MID1: variants seen among roughly 807,000 people sequenced by gnomAD.
The protein encoded by MID1 is E3 ubiquitin-protein ligase Midline-1.
A neutral mutation model predicts 40.4 loss-of-function variants in MID1; 7 were observed. The ratio of observed to expected loss-of-function variants is 0.17; its 90% CI spans 0.10 to 0.33. The LOEUF (loss-of-function observed/expected upper bound fraction) is 0.33. Ranked by LOEUF, MID1 falls within the 10% of genes least tolerant of loss-of-function variation. MID1 has a pLI of 1.00. For synonymous variants in MID1, 229 were observed against 221.2 expected (o/e 1.04, Z -0.31); for missense variants, 367 against 558.5 (o/e 0.66, Z 3.46).
chrX:10,759,772 G>T (rs1245096372), intron 1 of MID1, among the ~76,000 whole-genome samples: 1 of 111,745 alleles, frequency 8.9e-6, no homozygotes, highest in African/African-American at 3.3e-5. Context: ...TCTTTTCAGG[G>T]ACAATTCAGC....
chrX:10,649,271 A>C (rs1298447183), intron 1 of MID1, among the ~76,000 whole-genome samples: 2 of 112,135 alleles, frequency 1.8e-5, no homozygotes, highest in African/African-American at 6.5e-5. Flanking sequence ...AAAGCCCATT[A>C]AGAAAATGAT....
chrX:10,777,616 T>C (rs1453323359), intron 1 of MID1, among the ~76,000 whole-genome samples: 17 of 101,813 alleles, frequency 1.7e-4, no homozygotes, highest in Non-Finnish European at 3.0e-4. Flanking sequence ...TCTTGGCTCA[T>C]TGCAACCTCC....
chrX:10,550,949 C>T (rs1367625935), intron 2 of MID1, among the ~76,000 whole-genome samples: 1 of 111,626 alleles, frequency 9.0e-6, no homozygotes, highest in Non-Finnish European at 1.9e-5. Context: ...GAAGAAAATA[C>T]ACACACACAA....
At chrX:10,741,884 TA>T (rs2043525396) in intron 1 of MID1, among the ~76,000 whole-genome samples, 1 of 111,854 alleles carries the variant, frequency 8.9e-6, no homozygotes, top group Non-Finnish European at 1.9e-5. Flanking sequence ...TATAAGTGGC[TA>T]AAACTAGCTG....
chrX:10,486,231 G>A (rs1930609460), intron 4 of MID1, among the ~76,000 whole-genome samples: 1 of 112,134 alleles, frequency 8.9e-6, no homozygotes, highest in African/African-American at 3.2e-5. Context: ...AGAATTTGAG[G>A]TGAGTTTGAC....
At chrX:10,552,323 C>A (rs1569100309) in intron 2 of MID1, among the ~76,000 whole-genome samples, 1 of 111,064 alleles carries the variant, frequency 9.0e-6, no homozygotes, top group Non-Finnish European at 1.9e-5. Flanking sequence ...CTTACATAAA[C>A]TGTATTGTTT....
intron 1 of MID1, among the ~76,000 whole-genome samples, chrX:10,730,476 T>C (rs924885053): frequency 2.7e-5 from 3 of 110,896 alleles, no homozygotes; most frequent in Non-Finnish European, 5.7e-5. Flanking sequence ...TGTGTAGTGG[T>C]GAAGTCTGGG....
At chrX:10,831,343 T>C (rs2044251161) in intron 1 of MID1, among the ~76,000 whole-genome samples, 2 of 112,115 alleles carry the variant, frequency 1.8e-5, no homozygotes, top group Admixed American at 1.9e-4. Flanking sequence ...TAAATGAACA[T>C]ATTAAGGCTC....
At chrX:10,637,872 A>G (rs763426649) in intron 1 of MID1, among the ~76,000 whole-genome samples, 46 of 112,093 alleles carry the variant, frequency 4.1e-4, no homozygotes, top group South Asian at 3.0e-3. Context: ...TAAGATGTTC[A>G]TAACAGGGGA....
At chrX:10,788,563 A>G (rs2043904233) in intron 1 of MID1, among the ~76,000 whole-genome samples, 1 of 105,429 alleles carries the variant, frequency 9.5e-6, no homozygotes, top group South Asian at 4.4e-4. Flanking sequence ...AAGAAAATCA[A>G]CACCATTGTA....
At chrX:10,475,804 T>G (rs1372170975) in intron 5 of MID1, among the ~76,000 whole-genome samples, 1 of 111,985 alleles carries the variant, frequency 8.9e-6, no homozygotes, top group Non-Finnish European at 1.9e-5. Flanking sequence ...AGAAAATTGA[T>G]GCTCATTTAT....
chrX:10,798,546 AT>A (rs2043982890), intron 1 of MID1, among the ~76,000 whole-genome samples: 1 of 111,488 alleles, frequency 9.0e-6, no homozygotes, highest in South Asian at 3.7e-4. Context: ...TATTAAATTT[AT>A]TTTTCCATGA....
chrX:10,808,204 T>C (rs1454405409), intron 1 of MID1, among the ~76,000 whole-genome samples: 6 of 111,979 alleles, frequency 5.4e-5, no homozygotes, highest in Admixed American at 4.7e-4. Flanking sequence ...TGAAAGCCTC[T>C]AAGATGTCCT....
chrX:10,565,802 G>A (rs1301202126), intron 2 of MID1, among the ~76,000 whole-genome samples: 1 of 103,795 alleles, frequency 9.6e-6, no homozygotes, highest in Admixed American at 1.0e-4. Context: ...CATACTTAGA[G>A]AGTGATTTTT....
chrX:10,758,647 C>T (rs1249689525), intron 1 of MID1, among the ~76,000 whole-genome samples: 3 of 108,883 alleles, frequency 2.8e-5, no homozygotes, highest in Admixed American at 2.0e-4. Flanking sequence ...CCCGCCACCA[C>T]GCCCAGCTAA....
At chrX:10,688,125 G>A (rs1162090952) in intron 1 of MID1, among the ~76,000 whole-genome samples, 1 of 111,575 alleles carries the variant, frequency 9.0e-6, no homozygotes, top group Non-Finnish European at 1.9e-5. Flanking sequence ...CTCCTACGTA[G>A]CTGGGATTAC....
chrX:10,739,251 T>A (rs1346240339), intron 1 of MID1, among the ~76,000 whole-genome samples: 1 of 111,611 alleles, frequency 9.0e-6, no homozygotes, highest in East Asian at 2.8e-4. Context: ...TTCCTGTGTG[T>A]GTCCTGTGTG....
At chrX:10,602,323 A>C (rs746899974) in intron 1 of MID1, among the ~76,000 whole-genome samples, 1 of 106,915 alleles carries the variant, frequency 9.4e-6, no homozygotes, top group East Asian at 2.9e-4. Flanking sequence ...CTTTATTGAG[A>C]TACAATTCAC....
chrX:10,465,123 G>C (rs1929264485), intron 7 of MID1, among the ~76,000 whole-genome samples: 1 of 102,539 alleles, frequency 9.8e-6, no homozygotes, highest in Non-Finnish European at 2.0e-5. Context: ...GGTGGAGGTT[G>C]TAGTGAGCCG....
Sources: gnomAD v4.1 joint callset for allele counts (sites outside exome capture counted in the v4.1 genomes callset) on GRCh38, gnomAD v4.1.1 for gene constraint, MANE v1.5 for transcripts, NCBI Gene and HGNC (gene_info 2026-07-23, HGNC 2026-07-21) for gene names.